The following PPP6C variants were observed in gnomAD, a reference collection of about 807,000 sequenced individuals.
PPP6C encodes the protein serine/threonine-protein phosphatase 6 catalytic subunit.
Under a neutral mutation model 39.8 loss-of-function variants are expected in PPP6C, and 11 were observed. The ratio of observed to expected loss-of-function variants is 0.28; its 90% CI spans 0.17 to 0.46. PPP6C has a LOEUF of 0.46. Among genes scored for constraint, PPP6C ranks in the 20% least tolerant of loss-of-function variants. PPP6C has a pLI of 1.00. For missense variants in PPP6C, 211 were observed against 373.9 expected (o/e 0.56, Z 3.59); for synonymous variants, 129 against 130.3 (o/e 0.99, Z 0.07).
rs547677016 is a variant in PPP6C at position 125,147,678 on chromosome 9, A to C, written c.*1995T>G. 6.6e-6 allele frequency: 1 copy of C among 152,310 alleles called. No homozygotes were observed. Among genetic ancestry groups the C allele is most frequent in the South Asian group, 2.1e-4 (1 of 4,828 alleles). The allele number at this position is 152,310 out of a possible 1,614,324, so 9.4% of individuals were successfully genotyped here. On this transcript the variant is annotated 3_prime_UTR_variant, in exon 7 of 7. Coordinates refer to ENST00000373547, the MANE Select transcript of PPP6C (RefSeq NM_002721.5). ...ATGACTTAAAAATAAAAGTCACATT[A>C]TAGGGATAACAAAAACAACTACATC...
intron 3 of PPP6C, among the ~76,000 whole-genome samples, chr9:125,158,678 T>C (rs1426351588): frequency 2.6e-5 from 4 of 152,058 alleles, no homozygotes; most frequent in African/African-American, 7.2e-5. Context: ...TTTTTTCTTT[T>C]TTTGAGACAG....
At position 125,186,938 on chromosome 9, in the gene PPP6C, C is replaced by CTTTTT. The variant is rs1168730026; in HGVS notation, c.75+2701_75+2705dup. Reference sequence around the variant, plus strand: ...AAAGAAGTCCAACAGATTTTTCTTTCTTTTTTTTTTTTTTTTTTTTTTTGG... The same window carrying CTTTTT: ...AAAGAAGTCCAACAGATTTTTCTTTCTTTTTTTTTTTTTTTTTTTTTTTTTTTTGG... On this transcript the variant is annotated intron_variant, in intron 1 of 6. Coordinates refer to ENST00000373547, the MANE Select transcript of PPP6C (RefSeq NM_002721.5). Among the ~76,000 whole-genome samples, 373 of 83,620 alleles carry CTTTTT rather than the reference C, an allele frequency of 4.5e-3. 8 individuals are homozygous for CTTTTT. Among genetic ancestry groups the CTTTTT allele is most frequent in the African/African-American group, 9.1e-3 (181 of 19,820 alleles). The allele number at this position is 83,620 out of a possible 152,430, so 54.9% of individuals were successfully genotyped here. A position where few individuals can be genotyped will look rare whatever the true frequency, so the allele number is the denominator to read the frequency against.
At chr9:125,171,689 G>A (rs1485617001) in intron 1 of PPP6C, among the ~76,000 whole-genome samples, 2 of 151,144 alleles carry the variant, frequency 1.3e-5, no homozygotes, top group African/African-American at 4.9e-5. Context: ...AAGTAGCTGG[G>A]GTTACAGGCA....
At chr9:125,151,625 T>TCCACC in intron 6 of PPP6C, 3 of 681,286 alleles carry the variant, frequency 4.4e-6, no homozygotes, top group South Asian at 4.2e-5. Context: ...AAGAATAAAA[T>TCCACC]CCACCCCACC....
intron 2 of PPP6C, among the ~76,000 whole-genome samples, chr9:125,163,033 G>A (rs1028762692): frequency 6.6e-6 from 1 of 151,748 alleles, no homozygotes; most frequent in African/African-American, 2.4e-5. Flanking sequence ...GAGCCAGGAT[G>A]GTGCCACTGC....
intron 1 of PPP6C, chr9:125,188,902 A>G: frequency 6.5e-7 from 1 of 1,545,516 alleles, no homozygotes; most frequent in Non-Finnish European, 8.8e-7. Flanking sequence ...TGGACTCAGG[A>G]GTAACAAGGA....
At chr9:125,150,892 C>T (rs866467369) in intron 6 of PPP6C, 9 of 865,578 alleles carry the variant, frequency 1.0e-5, no homozygotes, top group Admixed American at 1.7e-5. Context: ...ACTGCTTCAG[C>T]GAGCCAGCTT....
intron 2 of PPP6C, among the ~76,000 whole-genome samples, chr9:125,164,494 C>G (rs959991492): frequency 2.6e-5 from 4 of 152,238 alleles, no homozygotes; most frequent in Non-Finnish European, 5.9e-5. Context: ...TCCCAAAGTG[C>G]TAGGATTACA....
chr9:125,175,138 C>G (rs914285545), intron 1 of PPP6C, among the ~76,000 whole-genome samples: 25 of 151,272 alleles, frequency 1.7e-4, no homozygotes, highest in African/African-American at 6.1e-4. Context: ...AACCCAGGAG[C>G]AGAGTTTGCA....
At chr9:125,163,949 G>A (rs1828953199) in intron 2 of PPP6C, among the ~76,000 whole-genome samples, 1 of 150,996 alleles carries the variant, frequency 6.6e-6, no homozygotes, top group African/African-American at 2.4e-5. Flanking sequence ...CTGGGTTCAA[G>A]TGATTTTCCT....
chr9:125,157,334 C>A (rs1030484086), intron 4 of PPP6C, among the ~76,000 whole-genome samples: 1 of 152,026 alleles, frequency 6.6e-6, no homozygotes, highest in Admixed American at 6.6e-5. Flanking sequence ...TCCTAGCATT[C>A]TCTGGAGTGA....
chr9:125,170,626 T>C (rs1053298995), intron 2 of PPP6C, among the ~76,000 whole-genome samples: 1 of 152,214 alleles, frequency 6.6e-6, no homozygotes, highest in African/African-American at 2.4e-5. Flanking sequence ...TGTGACATCA[T>C]GGACCAACAA....
At chr9:125,156,823 C>T (rs1392976870) in intron 4 of PPP6C, among the ~76,000 whole-genome samples, 2 of 144,664 alleles carry the variant, frequency 1.4e-5, no homozygotes, top group East Asian at 4.1e-4. Flanking sequence ...TGCTTTTTTT[C>T]CTTTCTTGAG....
At chr9:125,171,999 A>C (rs1017786093) in intron 1 of PPP6C, 12 of 464,148 alleles carry the variant, frequency 2.6e-5, no homozygotes, top group Non-Finnish European at 4.4e-5. Flanking sequence ...TCATAGCCCA[A>C]AACTAAAAAC....
At chr9:125,171,476 CACATATATAT>C (rs1280993761) in intron 1 of PPP6C, among the ~76,000 whole-genome samples, 41 of 57,174 alleles carry the variant, frequency 7.2e-4, no homozygotes, top group South Asian at 2.3e-3. Context: ...CACACACACA[CACATATATAT>C]ATATATATAT....
intron 6 of PPP6C, among the ~76,000 whole-genome samples, chr9:125,153,175 A>C (rs1285310388): frequency 1.3e-5 from 2 of 152,132 alleles, no homozygotes; most frequent in African/African-American, 4.8e-5. Flanking sequence ...CAGGAGGCTG[A>C]GGCAGGAGAA....
intron 2 of PPP6C, among the ~76,000 whole-genome samples, chr9:125,166,976 T>G (rs1001008079): frequency 2.0e-5 from 3 of 152,138 alleles, no homozygotes; most frequent in Non-Finnish European, 2.9e-5. Flanking sequence ...AATAGCTGAC[T>G]ATAGCCTCAA....
chr9:125,151,010 A>G (rs1835923571), intron 6 of PPP6C: 2 of 1,371,784 alleles, frequency 1.5e-6, no homozygotes, highest in South Asian at 1.2e-5. Context: ...GGCGCAGATC[A>G]TATTATCACC....
Position 125,171,094 on chromosome 9 carries a change from G to A in PPP6C, c.162C>T (p.Ile54=). 6.3e-7 allele frequency: 1 copy of A among 1,580,152 alleles called. No individual in the cohort carries two copies. Among genetic ancestry groups the A allele is most frequent in the South Asian group, 1.1e-5 (1 of 87,270 alleles). Residue 54 remains isoleucine, a synonymous_variant, in exon 2 of 7, where the codon ATC becomes ATT. Coordinates refer to ENST00000373547, the MANE Select transcript of PPP6C (RefSeq NM_002721.5). ...VSTPVTVCGD[I]HGQFYDLCEL... Reference sequence around the variant, plus strand: ...GCTCATGAAATTTTACCTGTCCATGGATATCTCCACACACTGTTACTGGTG... The same window carrying A: ...GCTCATGAAATTTTACCTGTCCATGAATATCTCCACACACTGTTACTGGTG...
Sources: allele counts gnomAD v4.1 joint callset (sites outside exome capture counted in the v4.1 genomes callset), GRCh38; gene constraint gnomAD v4.1.1; transcripts MANE v1.5; gene names NCBI Gene and HGNC (gene_info 2026-07-23, HGNC 2026-07-21).